Variants in CSMD2 observed in about 807,000 individuals in gnomAD.
CSMD2 encodes the protein CUB and Sushi multiple domains 2.
Under a neutral mutation model 398.5 loss-of-function variants are expected in CSMD2, and 130 were observed. The ratio of observed to expected loss-of-function variants is 0.33; its 90% CI spans 0.28 to 0.38. The LOEUF (loss-of-function observed/expected upper bound fraction) is 0.38, where lower values mean the gene tolerates loss of function less well. Ranked by LOEUF, CSMD2 falls within the 10% of genes least tolerant of loss-of-function variation. The pLI, the probability that CSMD2 is intolerant of heterozygous loss-of-function variation, is 1.00. For missense variants in CSMD2, 3,829 were observed against 4,764.9 expected, an observed-to-expected ratio of 0.80 and a Z score of 5.78; for synonymous variants, 1,828 against 1,908.5, an observed-to-expected ratio of 0.96 and a Z score of 1.10.
At chr1:33,657,880 T>C in intron 27 of CSMD2, 66 bp downstream of exon 27, 1 of 1,453,258 alleles carries the variant, frequency 6.9e-7, no homozygotes, top group African/African-American at 1.4e-5. Context: ...CTGCTGTGCA[T>C]GGAAGGTTCT....
chr1:33,799,941 T>G (rs752168077), intron 10 of CSMD2, among the ~76,000 whole-genome samples: 1 of 152,224 alleles, frequency 6.6e-6, no homozygotes, highest in Non-Finnish European at 1.5e-5. Flanking sequence ...CAGGTGTTTG[T>G]CACCGCAGAA....
intron 14 of CSMD2, among the ~76,000 whole-genome samples, chr1:33,740,796 C>T (rs1037710977): frequency 1.3e-5 from 2 of 152,208 alleles, no homozygotes; most frequent in Non-Finnish European, 2.9e-5. Context: ...GGCACAGATA[C>T]ATACACCCAC....
chr1:33,603,402 G>A (rs567329636), intron 42 of CSMD2, among the ~76,000 whole-genome samples: 27 of 152,264 alleles, frequency 1.8e-4, no homozygotes, highest in African/African-American at 6.5e-4. Flanking sequence ...AAACACCATG[G>A]TCCAGAATAA....
chr1:33,719,012 T>C (rs1010789569), intron 19 of CSMD2, among the ~76,000 whole-genome samples: 3 of 152,072 alleles, frequency 2.0e-5, no homozygotes, highest in Non-Finnish European at 4.4e-5. Flanking sequence ...CTGAGAAAGA[T>C]CTCCCAGTTT....
chr1:33,897,858 T>C (rs1642494454), intron 5 of CSMD2, among the ~76,000 whole-genome samples: 1 of 152,202 alleles, frequency 6.6e-6, no homozygotes, highest in Non-Finnish European at 1.5e-5. Flanking sequence ...GTTATCTCCC[T>C]CAATTCTCCC....
chr1:33,828,822 T>C (rs2125025203), intron 6 of CSMD2, among the ~76,000 whole-genome samples: 1 of 152,352 alleles, frequency 6.6e-6, no homozygotes, highest in South Asian at 2.1e-4. Flanking sequence ...AATGGATCTG[T>C]GCTTAATATT....
intron 12 of CSMD2, among the ~76,000 whole-genome samples, chr1:33,774,652 T>C (rs1475090567): frequency 2.0e-5 from 3 of 152,168 alleles, no homozygotes; most frequent in Non-Finnish European, 4.4e-5. Flanking sequence ...TAAGGTTTCC[T>C]AGTGAGGCCC....
chr1:33,729,428 C>T lies in CSMD2; in HGVS notation c.2369-2743G>A, dbSNP rs114356187. Reference sequence around the variant, plus strand: ...TTCATATTGCAGAGTGGTAGTTGCCCGGCAGGGATTTGGAGGGGAGGATTC... The same window carrying T: ...TTCATATTGCAGAGTGGTAGTTGCCTGGCAGGGATTTGGAGGGGAGGATTC... On this transcript the variant is annotated intron_variant, in intron 15 of 70. Transcript: ENST00000373381. Among the ~76,000 whole-genome samples, 580 of 149,832 alleles carry T rather than the reference C, an allele frequency of 3.9e-3. 3 individuals are homozygous for T. Among genetic ancestry groups the T allele is most frequent in the African/African-American group, 0.013 (534 of 40,786 alleles).
Position 33,580,882 on chromosome 1 carries a change from G to C in CSMD2, c.7258C>G (p.Pro2420Ala). The C allele has an allele frequency of 1.2e-6, 2 of 1,614,168 alleles. No homozygotes were observed. The highest frequency in any genetic ancestry group is 8.5e-7 in the Non-Finnish European group (1 of 1,180,026). Residue 2420 changes from proline to alanine, a missense_variant, in exon 48 of 71, where the codon CCT becomes GCT. This residue lies in a region of CSMD2 where 723 missense variants were observed against 758.6 expected (regional missense o/e 0.95). Coordinates refer to ENST00000373381, the MANE Select transcript of CSMD2 (RefSeq NM_001281956.2). ...EIFDGPSGQSPLLKALSGNYS... is the reference protein window; with the variant it reads ...EIFDGPSGQSALLKALSGNYS... ...TTCCCACTGAGGGCTTTCAGCAGAGGACTCTGTCCTGATGGACCTGGGGTG... is the reference window on the plus strand; with the variant it reads ...TTCCCACTGAGGGCTTTCAGCAGAGCACTCTGTCCTGATGGACCTGGGGTG...
At chr1:33,964,015 G>A (rs1436626092) in intron 3 of CSMD2, among the ~76,000 whole-genome samples, 1 of 152,198 alleles carries the variant, frequency 6.6e-6, no homozygotes, top group East Asian at 1.9e-4. Flanking sequence ...AAGTGGTTGT[G>A]CCATTTTGTC....
chr1:33,739,763 C>G (rs1255674001), intron 14 of CSMD2, among the ~76,000 whole-genome samples: 1 of 152,122 alleles, frequency 6.6e-6, no homozygotes, highest in Non-Finnish European at 1.5e-5. Context: ...GGGATCATTT[C>G]TGCTTGAGGT....
At chr1:33,840,413 A>G (rs1480154288) in intron 6 of CSMD2, among the ~76,000 whole-genome samples, 4 of 152,140 alleles carry the variant, frequency 2.6e-5, no homozygotes, top group African/African-American at 9.7e-5. Flanking sequence ...GGGTGTCTAC[A>G]TCTCTCAGGT....
intron 49 of CSMD2, among the ~76,000 whole-genome samples, chr1:33,574,465 C>T (rs182792218): frequency 2.6e-5 from 4 of 152,286 alleles, no homozygotes; most frequent in Admixed American, 2.0e-4. Context: ...AAGATTAATC[C>T]GTCAAAGTAC....
intron 3 of CSMD2, among the ~76,000 whole-genome samples, chr1:33,959,110 T>C (rs573652613): frequency 6.6e-6 from 1 of 152,166 alleles, no homozygotes; most frequent in East Asian, 1.9e-4. Flanking sequence ...TGAGATGATG[T>C]CTGGAAATAG....
At chr1:33,640,310 C>G (rs1337665013) in intron 29 of CSMD2, among the ~76,000 whole-genome samples, 2 of 152,150 alleles carry the variant, frequency 1.3e-5, no homozygotes, top group Non-Finnish European at 2.9e-5. Context: ...TAGCACTATT[C>G]TTTGAATACT....
At chr1:33,990,775 G>T (rs1036608591) in intron 3 of CSMD2, among the ~76,000 whole-genome samples, 2 of 152,144 alleles carry the variant, frequency 1.3e-5, no homozygotes, top group Non-Finnish European at 2.9e-5. Context: ...GAGGCCAGGG[G>T]TGAGCCTACT....
At chr1:33,824,842 G>A (rs1221093422) in intron 7 of CSMD2, among the ~76,000 whole-genome samples, 1 of 152,024 alleles carries the variant, frequency 6.6e-6, no homozygotes, top group Non-Finnish European at 1.5e-5. Context: ...GGGAGGGAAG[G>A]AGAAGGAAAA....
Position 34,164,311 on chromosome 1 carries a change from C to A in CSMD2, c.187+600G>T, listed in dbSNP as rs1289016802. Reference sequence around the variant, plus strand: ...ACCGTGGGCACGCGTCCACCTGAACCCCCTCCTAGCTCCGAGCGCCGAGGG... The same window carrying A: ...ACCGTGGGCACGCGTCCACCTGAACACCCTCCTAGCTCCGAGCGCCGAGGG... On this transcript the variant is annotated intron_variant, in intron 1 of 70. Coordinates refer to ENST00000373381, the MANE Select transcript of CSMD2 (RefSeq NM_001281956.2). This position sits in a 1 kb window ranked among gnomAD's most constrained non-coding sequence, Gnocchi z 6.2. Among the ~76,000 whole-genome samples the A allele has an allele frequency of 6.6e-6, 1 of 152,074 alleles. No individual in the cohort carries two copies. The highest frequency in any genetic ancestry group is 1.5e-5 in the Non-Finnish European group (1 of 68,002).
chr1:33,569,321 A>G (rs1659358383), intron 52 of CSMD2, 53 bp downstream of exon 52: 1 of 1,539,234 alleles, frequency 6.5e-7, no homozygotes, highest in Middle Eastern at 1.7e-4. Flanking sequence ...GGAAAGATCT[A>G]ATCTATCTCA....
Sources: allele counts gnomAD v4.1 joint callset (sites outside exome capture counted in the v4.1 genomes callset), GRCh38; gene constraint gnomAD v4.1.1; regional missense constraint gnomAD v4.1.1; non-coding constraint Gnocchi (gnomAD v3.1); transcripts MANE v1.5; gene names NCBI Gene and HGNC (gene_info 2026-07-23, HGNC 2026-07-21).